The following ABCA13 variants were observed in gnomAD, a reference collection of about 807,000 sequenced individuals.
ABCA13 encodes the protein ATP-binding cassette sub-family A member 13.
A neutral mutation model predicts 478.7 loss-of-function variants in ABCA13; 476 were observed. That is an observed-to-expected ratio of 0.99 (90% CI 0.92 to 1.07). The LOEUF is 1.07. Among genes scored for constraint, ABCA13 ranks in the 50% least tolerant of loss-of-function variants. The probability of loss-of-function intolerance (pLI) is 0.00; values close to 1 mark genes in which losing one functional copy is unlikely to be tolerated. For missense variants in ABCA13, 6,060 were observed against 5,910.6 expected (o/e 1.03, Z -0.83); for synonymous variants, 2,252 against 2,158.9 (o/e 1.04, Z -1.20).
chr7:48,455,385 A>T, intron 43 of ABCA13, 99 bp downstream of exon 43: 1 of 1,409,942 alleles, frequency 7.1e-7, no homozygotes. Flanking sequence ...AAAAACTGGA[A>T]ATATAAATGT....
intron 35 of ABCA13, among the ~76,000 whole-genome samples, chr7:48,381,301 G>A (rs910760668): frequency 1.3e-5 from 2 of 152,094 alleles, no homozygotes; most frequent in African/African-American, 4.8e-5. Context: ...GGTGTCTCCA[G>A]ATGGGAGGTA....
At chr7:48,245,483 GAAT>G (rs1298238763) in intron 11 of ABCA13, 26 bp from the exon 12 acceptor site, 3 of 1,567,290 alleles carry the variant, frequency 1.9e-6, no homozygotes, top group Non-Finnish European at 2.6e-6. Context: ...TACCTTAGGT[GAAT>G]AATAATCAAT....
intron 3 of ABCA13, among the ~76,000 whole-genome samples, chr7:48,206,766 A>G (rs1784981442): frequency 6.7e-6 from 1 of 150,246 alleles, no homozygotes; most frequent in African/African-American, 2.5e-5. Flanking sequence ...TCCATCATCT[A>G]AAGTATAAAT....
chr7:48,229,040 C>T (rs903291039), intron 6 of ABCA13, among the ~76,000 whole-genome samples: 2 of 152,056 alleles, frequency 1.3e-5, no homozygotes, highest in African/African-American at 4.8e-5. Flanking sequence ...ATCTTATAAT[C>T]CTGGGATACG....
chr7:48,519,091 T>A (rs1832343888), intron 52 of ABCA13, among the ~76,000 whole-genome samples: 1 of 152,156 alleles, frequency 6.6e-6, no homozygotes, highest in South Asian at 2.1e-4. Context: ...TACATTAGTT[T>A]TCTGAGGATA....
chr7:48,408,153 C>G (rs535886986), intron 39 of ABCA13, among the ~76,000 whole-genome samples: 2 of 152,304 alleles, frequency 1.3e-5, no homozygotes, highest in South Asian at 2.1e-4. Flanking sequence ...AGTCACCATG[C>G]TGTACAATAG....
intron 2 of ABCA13, among the ~76,000 whole-genome samples, chr7:48,197,765 A>G (rs956326492): frequency 2.0e-5 from 3 of 152,188 alleles, no homozygotes; most frequent in Admixed American, 2.0e-4. Context: ...TTTTTGTATT[A>G]TACAATATTT....
intron 15 of ABCA13, among the ~76,000 whole-genome samples, chr7:48,256,744 G>A (rs1793447547): frequency 6.6e-6 from 1 of 152,156 alleles, no homozygotes; most frequent in African/African-American, 2.4e-5. Context: ...TTGGAGGTGG[G>A]TAATGTAATC....
At chr7:48,232,307 C>A (rs187920773) in intron 7 of ABCA13, among the ~76,000 whole-genome samples, 69 of 151,964 alleles carry the variant, frequency 4.5e-4, no homozygotes, top group African/African-American at 1.6e-3. Flanking sequence ...TCGAAATCTT[C>A]CCAGTGACCT....
chr7:48,270,379 A>G (rs1015595767), intron 16 of ABCA13, among the ~76,000 whole-genome samples: 1 of 148,598 alleles, frequency 6.7e-6, no homozygotes, highest in African/African-American at 2.4e-5. Flanking sequence ...TAATATAAAA[A>G]CGTGGCAATA....
chr7:48,224,784 A>G (rs1787910104), intron 5 of ABCA13, among the ~76,000 whole-genome samples: 1 of 152,134 alleles, frequency 6.6e-6, no homozygotes, highest in Non-Finnish European at 1.5e-5. Context: ...CTGATTTAAA[A>G]AAGTCAGCGC....
chr7:48,483,835 C>T (rs1829025337), intron 47 of ABCA13, among the ~76,000 whole-genome samples: 1 of 152,168 alleles, frequency 6.6e-6, no homozygotes, highest in African/African-American at 2.4e-5. Flanking sequence ...ATTCAGTCTC[C>T]ATGACTGGAG....
intron 56 of ABCA13, among the ~76,000 whole-genome samples, chr7:48,582,095 C>T (rs942794339): frequency 6.6e-6 from 1 of 152,118 alleles, no homozygotes; most frequent in African/African-American, 2.4e-5. Flanking sequence ...AGAAATTAGA[C>T]ACAGTTTAAT....
At chr7:48,246,810 A>T (rs1265867567) in intron 13 of ABCA13, among the ~76,000 whole-genome samples, 1 of 152,208 alleles carries the variant, frequency 6.6e-6, no homozygotes, top group African/African-American at 2.4e-5. Flanking sequence ...TTGGTAGAGA[A>T]GGGCAAACAA....
At chr7:48,592,283 G>C (rs1789838279) in intron 57 of ABCA13, among the ~76,000 whole-genome samples, 1 of 150,610 alleles carries the variant, frequency 6.6e-6, no homozygotes, top group Non-Finnish European at 1.5e-5. Flanking sequence ...ATTTTCATTT[G>C]TCTCAAGATA....
At chr7:48,277,254 G>A (rs1238084548) in intron 17 of ABCA13, among the ~76,000 whole-genome samples, 1 of 152,130 alleles carries the variant, frequency 6.6e-6, no homozygotes, top group Admixed American at 6.5e-5. Flanking sequence ...GGCGCCCACA[G>A]CAGGCAGGGG....
intron 29 of ABCA13, among the ~76,000 whole-genome samples, chr7:48,347,959 C>T (rs148596560): frequency 3.3e-5 from 5 of 152,238 alleles, no homozygotes; most frequent in South Asian, 2.1e-4. Flanking sequence ...ATAAAGAGGG[C>T]GAGGATTATT....
chr7:48,482,812 G>A (rs775869442), intron 46 of ABCA13, among the ~76,000 whole-genome samples: 67 of 152,322 alleles, frequency 4.4e-4, no homozygotes, highest in Non-Finnish European at 9.0e-4. Flanking sequence ...ACAGTAAGGT[G>A]TGACAAGTAC....
chr7:48,175,864 CTTATT>C (rs1049873106), intron 1 of ABCA13, among the ~76,000 whole-genome samples: 7 of 151,424 alleles, frequency 4.6e-5, no homozygotes, highest in Non-Finnish European at 1.0e-4. Flanking sequence ...CCAGCTACTT[CTTATT>C]TTAAAGAATT....
Sources: gnomAD v4.1 joint callset for allele counts (sites outside exome capture counted in the v4.1 genomes callset) on GRCh38, gnomAD v4.1.1 for gene constraint, MANE v1.5 for transcripts, NCBI Gene and HGNC (gene_info 2026-07-23, HGNC 2026-07-21) for gene names.